Variants in NCKAP5 observed in about 807,000 individuals in gnomAD.
The protein encoded by NCKAP5 is NCK associated protein 5.
In NCKAP5, 92 loss-of-function variants were observed where a neutral mutation model predicts 167.0. The observed-to-expected ratio is 0.55, with a 90% CI of 0.47 to 0.66. The LOEUF (loss-of-function observed/expected upper bound fraction) is 0.66, where lower values mean the gene tolerates loss of function less well. NCKAP5 is among the 30% of genes least tolerant of loss of function. The probability of loss-of-function intolerance (pLI) is 0.00; values close to 1 mark genes in which losing one functional copy is unlikely to be tolerated. For missense variants in NCKAP5, 2,378 were observed against 2,315.0 expected, an observed-to-expected ratio of 1.03 and a Z score of -0.56; for synonymous variants, 891 against 877.4, an observed-to-expected ratio of 1.02 and a Z score of -0.27.
At chr2:133,128,189 C>T (rs958001406) in intron 6 of NCKAP5, among the ~76,000 whole-genome samples, 1 of 152,214 alleles carries the variant, frequency 6.6e-6, no homozygotes, top group African/African-American at 2.4e-5. Context: ...TCACAGTGTT[C>T]TCCAAATCCT....
chr2:133,359,172 T>A (rs1684930047), intron 3 of NCKAP5, among the ~76,000 whole-genome samples: 1 of 152,306 alleles, frequency 6.6e-6, no homozygotes, highest in East Asian at 1.9e-4. Context: ...CTTGGTATTA[T>A]CAGATATTGC....
intron 3 of NCKAP5, among the ~76,000 whole-genome samples, chr2:133,469,729 T>C (rs1203782448): frequency 6.6e-6 from 1 of 151,882 alleles, no homozygotes; most frequent in Non-Finnish European, 1.5e-5. Flanking sequence ...CTTTTTTCTC[T>C]AAACTTCCCT....
chr2:133,112,433 C>T (rs1024102999), intron 6 of NCKAP5, among the ~76,000 whole-genome samples: 3 of 151,918 alleles, frequency 2.0e-5, no homozygotes, highest in Non-Finnish European at 2.9e-5. Flanking sequence ...AAGATCGCAC[C>T]ACTGCACTCC....
chr2:133,441,314 T>G (rs1031819073), intron 3 of NCKAP5, among the ~76,000 whole-genome samples: 14 of 152,218 alleles, frequency 9.2e-5, no homozygotes, highest in African/African-American at 3.4e-4. Flanking sequence ...AATGTTAGTC[T>G]TTTCCAGAGG....
chr2:132,723,004 A>T (rs538728294), intron 19 of NCKAP5, among the ~76,000 whole-genome samples: 25 of 151,854 alleles, frequency 1.6e-4, no homozygotes, highest in African/African-American at 5.6e-4. Context: ...TAAAAAAAAA[A>T]TTTGTAAAGA....
At chr2:132,732,610 A>G (rs936402395) in intron 16 of NCKAP5, among the ~76,000 whole-genome samples, 1 of 152,202 alleles carries the variant, frequency 6.6e-6, no homozygotes, top group African/African-American at 2.4e-5. Flanking sequence ...TATCCTGGAT[A>G]ATCAGAAAAG....
chr2:132,831,684 A>T (rs1687532152), intron 11 of NCKAP5, among the ~76,000 whole-genome samples: 1 of 151,804 alleles, frequency 6.6e-6, no homozygotes, highest in Non-Finnish European at 1.5e-5. Context: ...AACTTTATTT[A>T]CGATGTCTTT....
At chr2:133,266,419 C>G (rs776775822) in intron 4 of NCKAP5, 1 of 152,810 alleles carries the variant, frequency 6.5e-6, no homozygotes, top group Non-Finnish European at 1.5e-5. Context: ...AAGGACTGAA[C>G]GGGGTAGTGG....
In NCKAP5 at chr2:132,912,774, C is replaced by T. The variant is rs530484888; in HGVS notation, c.580-33858G>A. Reference sequence around the variant, plus strand: ...AAACTTTCAGCAGGAACACGATAGCCGAAATCCCATGCCACTTCTTCTATT... The same window carrying T: ...AAACTTTCAGCAGGAACACGATAGCTGAAATCCCATGCCACTTCTTCTATT... On this transcript the variant is annotated intron_variant, in intron 8 of 19. Coordinates refer to ENST00000409261, the MANE Select transcript of NCKAP5 (RefSeq NM_207363.3). Among the ~76,000 whole-genome samples, 131 of 152,284 alleles carry T rather than the reference C, an allele frequency of 8.6e-4. 1 individual carries two copies. The highest frequency in any genetic ancestry group is 1.7e-3 in the Non-Finnish European group (113 of 68,028).
chr2:133,469,505 C>T (rs1412821167), intron 3 of NCKAP5, among the ~76,000 whole-genome samples: 2 of 151,908 alleles, frequency 1.3e-5, no homozygotes, highest in East Asian at 1.9e-4. Context: ...TTGCTCTTCT[C>T]GAGGAGTATC....
At chr2:133,398,569 A>G (rs1397872008) in intron 3 of NCKAP5, among the ~76,000 whole-genome samples, 1 of 152,218 alleles carries the variant, frequency 6.6e-6, no homozygotes, top group Non-Finnish European at 1.5e-5. Flanking sequence ...TATGAACCAT[A>G]TTTTTAAAAA....
At chr2:133,069,565 T>C (rs1043148553) in intron 6 of NCKAP5, among the ~76,000 whole-genome samples, 5 of 152,216 alleles carry the variant, frequency 3.3e-5, no homozygotes, top group African/African-American at 9.6e-5. Flanking sequence ...ATCCCCAGTA[T>C]AGACAGATGC....
At chr2:133,650,281 A>G in the NCKAP5 span, among the ~76,000 whole-genome samples, 1 of 152,184 alleles carries the variant, frequency 6.6e-6, no homozygotes, top group Non-Finnish European at 1.5e-5. Context: ...TTAAATGTTT[A>G]TGGTACTCAA....
intron 4 of NCKAP5, among the ~76,000 whole-genome samples, chr2:133,231,272 C>T (rs2087134607): frequency 2.0e-5 from 3 of 152,146 alleles, no homozygotes; most frequent in Admixed American, 2.0e-4. Context: ...AGTCCTCTTT[C>T]CAGGGATGAC....
At chr2:133,515,896 G>A (rs540767828) in intron 3 of NCKAP5, among the ~76,000 whole-genome samples, 3 of 152,294 alleles carry the variant, frequency 2.0e-5, no homozygotes, top group African/African-American at 4.8e-5. Context: ...TCTGCTCATC[G>A]GTTTGACATT....
chr2:132,853,412 C>T (rs143615988), intron 11 of NCKAP5, among the ~76,000 whole-genome samples: 2 of 152,282 alleles, frequency 1.3e-5, no homozygotes, highest in East Asian at 3.9e-4. Flanking sequence ...CTTAAGGCAT[C>T]TGATCTCCGA....
At chr2:132,828,070 A>G (rs1253014760) in intron 11 of NCKAP5, among the ~76,000 whole-genome samples, 1 of 152,114 alleles carries the variant, frequency 6.6e-6, no homozygotes, top group Non-Finnish European at 1.5e-5. Flanking sequence ...TCCTTATTGT[A>G]TTTTCATGAA....
rs1057102326 is a variant in NCKAP5 at position 132,860,700 on chromosome 2, T to C, written c.688-89A>G. On this transcript the variant is annotated intron_variant, in intron 10 of 19. Transcript: ENST00000409261. ...CCATATTTTATATATCTCAGATCAT[T>C]AGTAAAAAACGGTATTTTTATTCTT... The C allele has an allele frequency of 1.1e-5, 16 of 1,417,566 alleles. No homozygotes were observed. In the South Asian group the frequency reaches 1.5e-4, roughly 13 times the overall value. 87.8% of individuals were successfully genotyped at this position (1,417,566 alleles called of 1,614,324 possible).
rs1683332834 is a variant in NCKAP5, at chr2:132,784,144, C to G, written c.2667G>C (p.Lys889Asn). 2 of 1,526,910 alleles carry G rather than the reference C, an allele frequency of 1.3e-6. No individual in the cohort carries two copies. Among genetic ancestry groups the G allele is most frequent in the African/African-American group, 1.4e-5 (1 of 72,034 alleles). 94.6% of individuals were successfully genotyped at this position (1,526,910 alleles called of 1,614,324 possible). A position where few individuals can be genotyped will look rare whatever the true frequency, so the allele number is the denominator to read the frequency against. ...PSRRDWVQCP[K>N]SQTPGSRSRP... ...TTGACCGTGACCCTGGAGTCTGACT[C>G]TTGGGGCACTGGACCCAGTCCCTCC... Residue 889 changes from lysine (K) to asparagine (N), a missense_variant, in exon 14 of 20, where the codon AAG (lysine) becomes AAC (asparagine). Around this residue, in one of 3 missense-constraint regions of NCKAP5, gnomAD observed 1,325 missense variants for 1,274.5 expected, o/e 1.04. Transcript: ENST00000409261.
Sources: allele counts gnomAD v4.1 joint callset (sites outside exome capture counted in the v4.1 genomes callset), GRCh38; gene constraint gnomAD v4.1.1; regional missense constraint gnomAD v4.1.1; transcripts MANE v1.5; gene names NCBI Gene and HGNC (gene_info 2026-07-23, HGNC 2026-07-21).